Variants in TIAM1 observed in about 807,000 individuals in gnomAD.
TIAM1 encodes the protein TIAM Rac1 associated GEF 1.
A neutral mutation model predicts 163.5 loss-of-function variants in TIAM1; 65 were observed. The observed-to-expected ratio is 0.40, with a 90% CI of 0.33 to 0.49. The LOEUF (loss-of-function observed/expected upper bound fraction) is 0.49, where lower values mean the gene tolerates loss of function less well. Among genes scored for constraint, TIAM1 ranks in the 20% least tolerant of loss-of-function variants. TIAM1 has a pLI of 0.77. For synonymous variants in TIAM1, 833 were observed against 810.1 expected (o/e 1.03, Z -0.48); for missense variants, 1,789 against 2,044.7 (o/e 0.87, Z 2.41).
chr21:31,284,444 C>G (rs1486815561), intron 2 of TIAM1, among the ~76,000 whole-genome samples: 4 of 152,168 alleles, frequency 2.6e-5, no homozygotes. Context: ...TCCTAGGACA[C>G]ACAGCAGGGG....
intron 2 of TIAM1, among the ~76,000 whole-genome samples, chr21:31,318,395 G>A (rs1410086334): frequency 1.3e-5 from 2 of 152,190 alleles, no homozygotes; most frequent in Non-Finnish European, 2.9e-5. Flanking sequence ...GTGAGCCACC[G>A]TGCCCAGCCA....
intron 1 of TIAM1, among the ~76,000 whole-genome samples, chr21:31,490,464 G>C (rs2046426503): frequency 6.6e-6 from 1 of 152,076 alleles, no homozygotes; most frequent in African/African-American, 2.4e-5. Flanking sequence ...TAAATGCCTA[G>C]TTGCCTTCCC....
Position 31,506,655 on chromosome 21 carries a change from T to C in TIAM1, c.-421-42620A>G, listed in dbSNP as rs564311536. Among the ~76,000 whole-genome samples the C allele has an allele frequency of 3.2e-3, 484 of 152,352 alleles. 5 individuals carry two copies. Among genetic ancestry groups the C allele is most frequent in the African/African-American group, 0.011 (453 of 41,594 alleles). ...CTTTTTGGCCAGGCACAGTGGCTCA[T>C]GCCTGTAATCCCAGCACTTTGGGAG... On this transcript the variant is annotated intron_variant, in intron 1 of 28. Coordinates refer to the TIAM1 transcript ENST00000286827.
intron 15 of TIAM1, among the ~76,000 whole-genome samples, chr21:31,173,360 A>T (rs1601410333): frequency 6.6e-6 from 1 of 152,308 alleles, no homozygotes; most frequent in East Asian, 1.9e-4. Context: ...GTCAATAAAG[A>T]TATTTAGCTG....
intron 1 of TIAM1, among the ~76,000 whole-genome samples, chr21:31,467,648 T>C (rs577338765): frequency 3.3e-5 from 5 of 149,614 alleles, no homozygotes; most frequent in Non-Finnish European, 7.4e-5. Context: ...AATAAATAAA[T>C]AAAAATAAAA....
At chr21:31,126,391 A>G (rs1047691081) in intron 26 of TIAM1, among the ~76,000 whole-genome samples, 1 of 151,698 alleles carries the variant, frequency 6.6e-6, no homozygotes, top group Non-Finnish European at 1.5e-5. Context: ...ACATGGTGAA[A>G]CCCCGTCTCT....
chr21:31,544,673 C>T (rs1441399797), intron 1 of TIAM1, among the ~76,000 whole-genome samples: 1 of 151,420 alleles, frequency 6.6e-6, no homozygotes, highest in African/African-American at 2.4e-5. Flanking sequence ...TCTAACAGAG[C>T]AGCTGGGCAT....
intron 3 of TIAM1, among the ~76,000 whole-genome samples, chr21:31,267,863 T>A (rs993617372): frequency 3.9e-5 from 6 of 152,234 alleles, no homozygotes; most frequent in Admixed American, 3.9e-4. Context: ...ATTCACATTG[T>A]GAAACCACTA....
intron 2 of TIAM1, among the ~76,000 whole-genome samples, chr21:31,401,799 T>C (rs972644671): frequency 5.3e-5 from 8 of 151,832 alleles, no homozygotes; most frequent in African/African-American, 1.7e-4. Flanking sequence ...GAACCCTAGC[T>C]ACTCAGGGGG....
intron 4 of TIAM1, among the ~76,000 whole-genome samples, chr21:31,264,296 C>T (rs1484765846): frequency 6.6e-6 from 1 of 152,098 alleles, no homozygotes; most frequent in Admixed American, 6.6e-5. Context: ...CTTTTGGAGT[C>T]CCCAGTGTCT....
rs2046484566 is a variant in TIAM1, at chr21:31,492,038, T to C, written c.-421-28003A>G. On this transcript the variant is annotated intron_variant, in intron 1 of 28. Transcript: ENST00000286827. ...TACATAAGCATTAAAAATAATTACT[T>C]ATATATGTGTGTATATATATATGTG... Among the ~76,000 whole-genome samples the C allele has an allele frequency of 2.8e-5, 4 of 144,330 alleles. 1 individual carries two copies. The highest frequency in any genetic ancestry group is 7.4e-5 in the African/African-American group (3 of 40,296). 94.7% of individuals were successfully genotyped at this position (144,330 alleles called of 152,430 possible). A position where few individuals can be genotyped will look rare whatever the true frequency, so the allele number is the denominator to read the frequency against.
intron 1 of TIAM1, among the ~76,000 whole-genome samples, chr21:31,510,073 G>C (rs191534874): frequency 6.6e-6 from 1 of 152,356 alleles, no homozygotes; most frequent in Admixed American, 6.5e-5. Flanking sequence ...ATATGCTGAA[G>C]TCCTAACCCG....
At chr21:31,436,684 G>A (rs901338214) in intron 2 of TIAM1, among the ~76,000 whole-genome samples, 1 of 151,984 alleles carries the variant, frequency 6.6e-6, no homozygotes, top group African/African-American at 2.4e-5. Flanking sequence ...TAGGCCAGGA[G>A]CAGTGGCTCA....
chr21:31,317,410 G>A (rs747713956), intron 2 of TIAM1, among the ~76,000 whole-genome samples: 5 of 152,000 alleles, frequency 3.3e-5, no homozygotes, highest in Non-Finnish European at 5.9e-5. Context: ...CCAAGATCGC[G>A]CCATTGTACT....
chr21:31,164,060 TG>T (rs1483492001), intron 16 of TIAM1, among the ~76,000 whole-genome samples: 1 of 150,948 alleles, frequency 6.6e-6, no homozygotes, highest in East Asian at 2.1e-4. Context: ...TACTGACCCA[TG>T]GAACTCTTTA....
chr21:31,411,935 C>T (rs925034753), intron 2 of TIAM1, among the ~76,000 whole-genome samples: 2 of 143,736 alleles, frequency 1.4e-5, no homozygotes, highest in Admixed American at 7.5e-5. Context: ...AGAAACAAGA[C>T]GGCTACCCAA....
intron 1 of TIAM1, among the ~76,000 whole-genome samples, chr21:31,517,919 T>C (rs967724180): frequency 6.6e-6 from 1 of 152,318 alleles, no homozygotes; most frequent in African/African-American, 2.4e-5. Flanking sequence ...CCCCTCTGCC[T>C]AGCCACGTTT....
chr21:31,466,972 C>CAGA (rs2045557102), intron 1 of TIAM1, among the ~76,000 whole-genome samples: 1 of 88,864 alleles, frequency 1.1e-5, no homozygotes, highest in African/African-American at 3.6e-5. Flanking sequence ...TAAAATAGGC[C>CAGA]AAAAAAAAAA....
chr21:31,400,336 G>C (rs930040016), intron 2 of TIAM1, among the ~76,000 whole-genome samples: 1 of 152,054 alleles, frequency 6.6e-6, no homozygotes, highest in African/African-American at 2.4e-5. Flanking sequence ...CACCATGTTA[G>C]CCAAGCTGGT....
Sources: allele counts gnomAD v4.1 joint callset (sites outside exome capture counted in the v4.1 genomes callset), GRCh38; gene constraint gnomAD v4.1.1; transcripts MANE v1.5; gene names NCBI Gene and HGNC (gene_info 2026-07-23, HGNC 2026-07-21).